Variants in RUNX1 observed in about 807,000 individuals in gnomAD.
RUNX1 encodes runt-related transcription factor 1.
In RUNX1, 19 loss-of-function variants were observed where a neutral mutation model predicts 42.8. That is an observed-to-expected ratio of 0.44 (90% CI 0.31 to 0.65). RUNX1 has a LOEUF of 0.65. RUNX1 is among the 30% of genes least tolerant of loss of function. RUNX1 has a pLI of 0.07. For synonymous variants in RUNX1, 271 were observed against 289.4 expected (o/e 0.94, Z 0.64); for missense variants, 528 against 672.0 (o/e 0.79, Z 2.37).
At chr21:34,969,049 A>T (rs116604215) in intron 2 of RUNX1, among the ~76,000 whole-genome samples, 3,150 of 152,290 alleles carry the variant, frequency 0.021, 108 homozygotes, top group African/African-American at 0.072. Flanking sequence ...GGTCTCCTTC[A>T]GTGTGAAGAG....
intron 5 of RUNX1, among the ~76,000 whole-genome samples, chr21:34,876,205 C>A (rs1007742809): frequency 2.0e-5 from 3 of 152,142 alleles, no homozygotes; most frequent in Non-Finnish European, 4.4e-5. Flanking sequence ...GGCCCCCTCC[C>A]CTTTACCCGT....
chr21:34,811,773 A>G (rs907269376), intron 7 of RUNX1, among the ~76,000 whole-genome samples: 18 of 152,124 alleles, frequency 1.2e-4, no homozygotes, highest in African/African-American at 4.1e-4. Flanking sequence ...TCCTGTCTTT[A>G]CTGTCTGTTC....
chr21:34,936,331 A>G (rs2146614573), intron 2 of RUNX1, among the ~76,000 whole-genome samples: 1 of 152,272 alleles, frequency 6.6e-6, no homozygotes, highest in African/African-American at 2.4e-5. Context: ...TTAGTACAAA[A>G]CTTGGCTAAA....
intron 2 of RUNX1, among the ~76,000 whole-genome samples, chr21:35,028,843 CAGA>C (rs765972373): frequency 6.6e-6 from 1 of 152,068 alleles, no homozygotes; most frequent in East Asian, 1.9e-4. Context: ...GGTCTAGGAT[CAGA>C]AGAAGCTGGG....
chr21:34,793,227 G>A (rs565485718), intron 8 of RUNX1, among the ~76,000 whole-genome samples: 2 of 152,218 alleles, frequency 1.3e-5, no homozygotes, highest in African/African-American at 4.8e-5. Context: ...GGAGGACGGG[G>A]ATCAGGAGGC....
intron 5 of RUNX1, among the ~76,000 whole-genome samples, chr21:34,875,947 G>C (rs752676917): frequency 6.6e-6 from 1 of 152,178 alleles, no homozygotes; most frequent in Non-Finnish European, 1.5e-5. Context: ...GATTGTGACA[G>C]GATAAATATT....
At chr21:34,854,718 T>C (rs2057472619) in intron 6 of RUNX1, among the ~76,000 whole-genome samples, 1 of 151,900 alleles carries the variant, frequency 6.6e-6, no homozygotes, top group Non-Finnish European at 1.5e-5. Flanking sequence ...ACAGACCACA[T>C]CACAAGACTC....
chr21:34,798,998 G>T (rs1403122367), intron 8 of RUNX1, among the ~76,000 whole-genome samples: 1 of 152,170 alleles, frequency 6.6e-6, no homozygotes, highest in Non-Finnish European at 1.5e-5. Context: ...CCTAAAAGTT[G>T]AAAACTTTGG....
At chr21:34,870,486 G>A (rs1190442456) in intron 5 of RUNX1, among the ~76,000 whole-genome samples, 3 of 152,230 alleles carry the variant, frequency 2.0e-5, no homozygotes, top group South Asian at 2.1e-4. Context: ...AACCAGGAGG[G>A]TGGGTGCTAG....
intron 7 of RUNX1, among the ~76,000 whole-genome samples, chr21:34,828,172 A>C (rs573536785): frequency 5.9e-5 from 9 of 152,370 alleles, no homozygotes; most frequent in South Asian, 2.1e-4. Context: ...GCCTAGTCTT[A>C]GCCCCATTGT....
chr21:34,993,322 A>G (rs756109345), intron 2 of RUNX1, among the ~76,000 whole-genome samples: 9 of 152,088 alleles, frequency 5.9e-5, no homozygotes, highest in South Asian at 2.1e-4. Context: ...GGTAGAAACC[A>G]TTATCTTAAA....
In RUNX1 at chr21:34,878,361, A is replaced by G. The variant is rs2057847057; in HGVS notation, c.508+2196T>C. Among the ~76,000 whole-genome samples the G allele has an allele frequency of 3.0e-5, 4 of 133,784 alleles. No homozygotes were observed. In the South Asian group the frequency reaches 9.1e-4, roughly 30 times the overall value. The allele number at this position is 133,784 out of a possible 152,430, so 87.8% of individuals were successfully genotyped here. A position where few individuals can be genotyped will look rare whatever the true frequency, so the allele number is the denominator to read the frequency against. On this transcript the variant is annotated intron_variant, in intron 5 of 8. Coordinates refer to ENST00000675419, the MANE Select transcript of RUNX1 (RefSeq NM_001754.5). ...GCGCTGACTAAAAAAAAAAAAAAAAATATATATATATATATACACACACAC... is the reference window on the plus strand; with the variant it reads ...GCGCTGACTAAAAAAAAAAAAAAAAGTATATATATATATATACACACACAC...
rs760740797 is a variant in RUNX1, at chr21:34,788,010, T to C, written c.*4125A>G. 1 of 233,342 alleles carries C rather than the reference T, an allele frequency of 4.3e-6. No individual in the cohort carries two copies. The highest frequency in any genetic ancestry group is 8.5e-6 in the Non-Finnish European group (1 of 118,076). The allele number at this position is 233,342 out of a possible 1,614,324, so 14.5% of individuals were successfully genotyped here. On this transcript the variant is annotated 3_prime_UTR_variant, in exon 9 of 9. Transcript: ENST00000675419. Reference sequence around the variant, plus strand: ...ACTGTGTACCGTGGACTGTGGACAGTGCAGTGCCTGCTCTCCTGTGCTATC... The same window carrying C: ...ACTGTGTACCGTGGACTGTGGACAGCGCAGTGCCTGCTCTCCTGTGCTATC...
At chr21:34,932,574 T>C (rs779391103) in intron 2 of RUNX1, among the ~76,000 whole-genome samples, 26 of 152,212 alleles carry the variant, frequency 1.7e-4, no homozygotes, top group Non-Finnish European at 3.2e-4. Flanking sequence ...GAGGAGTCCA[T>C]TATGTGATAT....
At chr21:34,826,866 A>C (rs1397917561) in intron 7 of RUNX1, among the ~76,000 whole-genome samples, 2 of 152,234 alleles carry the variant, frequency 1.3e-5, no homozygotes, top group Non-Finnish European at 2.9e-5. Flanking sequence ...AAAGTGTGTA[A>C]GTGGCTTTGG....
At chr21:34,940,348 A>G (rs1291294173) in intron 2 of RUNX1, among the ~76,000 whole-genome samples, 8 of 152,178 alleles carry the variant, frequency 5.3e-5, no homozygotes, top group Non-Finnish European at 1.2e-4. Context: ...TCGTTCTTTA[A>G]TGTCCCAGTT....
At chr21:34,908,232 G>A (rs1221357125) in intron 2 of RUNX1, among the ~76,000 whole-genome samples, 2 of 152,166 alleles carry the variant, frequency 1.3e-5, no homozygotes, top group Non-Finnish European at 2.9e-5. Flanking sequence ...AAGAGATACA[G>A]AGAATTCTTT....
intron 2 of RUNX1, among the ~76,000 whole-genome samples, chr21:34,950,913 A>G (rs530880873): frequency 9.8e-5 from 15 of 152,354 alleles, no homozygotes; most frequent in Non-Finnish European, 2.1e-4. Flanking sequence ...GCAGAATCCC[A>G]GAAAATATAA....
chr21:34,889,750 C>G, intron 3 of RUNX1: 2 of 1,161,924 alleles, frequency 1.7e-6, no homozygotes, highest in Non-Finnish European at 2.1e-6. Context: ...TCGCGGAGCT[C>G]GGAGGGCCCC....
Sources: allele counts gnomAD v4.1 joint callset (sites outside exome capture counted in the v4.1 genomes callset), GRCh38; gene constraint gnomAD v4.1.1; transcripts MANE v1.5; gene names NCBI Gene and HGNC (gene_info 2026-07-23, HGNC 2026-07-21).